Variants in NUMB observed in about 807,000 individuals in gnomAD.
NUMB encodes the protein NUMB endocytic adaptor protein.
Under a neutral mutation model 59.7 loss-of-function variants are expected in NUMB, and 29 were observed. The observed-to-expected ratio is 0.49, with a 90% CI of 0.36 to 0.66. The LOEUF (loss-of-function observed/expected upper bound fraction) is 0.66, where lower values mean the gene tolerates loss of function less well. NUMB is among the 30% of genes least tolerant of loss of function. The pLI, the probability that NUMB is intolerant of heterozygous loss-of-function variation, is 0.00. For missense variants in NUMB, 723 were observed against 822.0 expected (o/e 0.88, Z 1.47); for synonymous variants, 288 against 288.2 (o/e 1.00, Z 0.01).
At chr14:73,395,202 T>TACAC (rs142215964) in intron 2 of NUMB, among the ~76,000 whole-genome samples, 88 of 150,742 alleles carry the variant, frequency 5.8e-4, no homozygotes, top group Non-Finnish European at 1.2e-3. Context: ...ACATGATGTA[T>TACAC]ACACACACAC....
At chr14:73,398,702 C>T (rs887962412) in intron 2 of NUMB, among the ~76,000 whole-genome samples, 1 of 151,870 alleles carries the variant, frequency 6.6e-6, no homozygotes, top group African/African-American at 2.4e-5. Flanking sequence ...TCTTTATTCC[C>T]ATCAGATTGA....
At chr14:73,417,141 G>A (rs1162948113) in intron 1 of NUMB, among the ~76,000 whole-genome samples, 1 of 151,888 alleles carries the variant, frequency 6.6e-6, no homozygotes, top group African/African-American at 2.4e-5. Context: ...ATCCTGCTGA[G>A]AGCCACTTCC....
chr14:73,396,879 T>C (rs1896163206), intron 2 of NUMB, among the ~76,000 whole-genome samples: 1 of 152,090 alleles, frequency 6.6e-6, no homozygotes, highest in Non-Finnish European at 1.5e-5. Flanking sequence ...TCCCAGCATT[T>C]TGGGAGGCTG....
At chr14:73,456,981 C>T (rs1418725923) in intron 1 of NUMB, among the ~76,000 whole-genome samples, 2 of 152,004 alleles carry the variant, frequency 1.3e-5, no homozygotes, top group South Asian at 2.1e-4. Flanking sequence ...GTCTATTGAA[C>T]AATCCAGTAC....
chr14:73,345,327 C>G (rs938013675), intron 4 of NUMB, among the ~76,000 whole-genome samples: 1 of 152,086 alleles, frequency 6.6e-6, no homozygotes, highest in African/African-American at 2.4e-5. Flanking sequence ...TGGGGAACAA[C>G]AGACTCCGGA....
chr14:73,334,666 A>G (rs562698681), intron 4 of NUMB, among the ~76,000 whole-genome samples: 1 of 152,270 alleles, frequency 6.6e-6, no homozygotes, highest in Non-Finnish European at 1.5e-5. Context: ...GTATTAGCAT[A>G]GGCTGGGTGC....
At chr14:73,341,087 G>A (rs932911560) in intron 4 of NUMB, among the ~76,000 whole-genome samples, 13 of 152,292 alleles carry the variant, frequency 8.5e-5, no homozygotes, top group African/African-American at 2.6e-4. Context: ...GTGGAACTGT[G>A]AGTCAATTAA....
At chr14:73,448,364 T>A (rs187775493) in intron 1 of NUMB, among the ~76,000 whole-genome samples, 3 of 152,304 alleles carry the variant, frequency 2.0e-5, no homozygotes, top group Admixed American at 6.5e-5. Context: ...TTATTTTTTT[T>A]AATTTATAAT....
chr14:73,278,451 T>TG (rs1381095214), intron 12 of NUMB, among the ~76,000 whole-genome samples: 1 of 151,326 alleles, frequency 6.6e-6, no homozygotes, highest in Non-Finnish European at 1.5e-5. Context: ...ACCTGAGAGA[T>TG]GGAGGTTGCA....
chr14:73,331,970 T>C (rs907121778), intron 4 of NUMB, among the ~76,000 whole-genome samples: 2 of 152,224 alleles, frequency 1.3e-5, no homozygotes, highest in African/African-American at 4.8e-5. Context: ...TCCTAAGACC[T>C]ATTTTACATT....
rs148887198 is a variant in NUMB, at chr14:73,355,389, C to T, written c.126+237G>A. 3.9e-3 allele frequency among the ~76,000 whole-genome samples: 586 copies of T among 152,168 alleles called. 3 individuals carry two copies. The highest frequency in any genetic ancestry group is 0.013 in the African/African-American group (538 of 41,540). On this transcript the variant is annotated intron_variant, in intron 4 of 12. Coordinates refer to ENST00000555238, the MANE Select transcript of NUMB (RefSeq NM_001005743.2). ...CTTATCAGAATATTTGTACTGACTC[C>T]ACATTATATAGAGAAATTCATATTT...
At chr14:73,409,163 G>A (rs1055671878) in intron 2 of NUMB, 10 of 152,128 alleles carry the variant, frequency 6.6e-5, no homozygotes, top group Non-Finnish European at 1.2e-4. Context: ...ATATGATGTT[G>A]ATCCTTTCAA....
intron 4 of NUMB, among the ~76,000 whole-genome samples, chr14:73,345,708 G>A (rs1892882047): frequency 6.6e-6 from 1 of 151,984 alleles, no homozygotes. Context: ...AGGAGTTCGA[G>A]ACCAGCCTGG....
intron 9 of NUMB, chr14:73,285,259 A>G (rs908236504): frequency 1.3e-5 from 2 of 152,354 alleles, no homozygotes; most frequent in East Asian, 3.9e-4. Flanking sequence ...GTACCAGTTG[A>G]GTCCCATTCT....
intron 10 of NUMB, among the ~76,000 whole-genome samples, chr14:73,283,238 C>T (rs1031734280): frequency 2.6e-5 from 4 of 152,162 alleles, no homozygotes; most frequent in Non-Finnish European, 5.9e-5. Flanking sequence ...AATGAGGTAC[C>T]TCAGCTGAGA....
chr14:73,304,317 C>A (rs899761399), intron 6 of NUMB, among the ~76,000 whole-genome samples: 1 of 151,410 alleles, frequency 6.6e-6, no homozygotes, highest in African/African-American at 2.4e-5. Context: ...TTCTTTCTTT[C>A]TTTTTTCATT....
At chr14:73,424,353 T>C (rs181305676) in intron 1 of NUMB, among the ~76,000 whole-genome samples, 5 of 152,316 alleles carry the variant, frequency 3.3e-5, no homozygotes, top group African/African-American at 9.6e-5. Flanking sequence ...AATCCCATCA[T>C]TGATTCTGAC....
intron 6 of NUMB, among the ~76,000 whole-genome samples, chr14:73,315,378 C>CA (rs1389160635): frequency 6.6e-6 from 1 of 151,956 alleles, no homozygotes; most frequent in East Asian, 1.9e-4. Flanking sequence ...AGCACTTACT[C>CA]AAAACTAAAC....
At chr14:73,441,454 T>C (rs1270401993) in intron 1 of NUMB, among the ~76,000 whole-genome samples, 2 of 152,020 alleles carry the variant, frequency 1.3e-5, no homozygotes, top group Non-Finnish European at 2.9e-5. Flanking sequence ...GGAGAATAGC[T>C]TGAACCCAGG....
Sources: allele counts gnomAD v4.1 joint callset (sites outside exome capture counted in the v4.1 genomes callset), GRCh38; gene constraint gnomAD v4.1.1; transcripts MANE v1.5; gene names NCBI Gene and HGNC (gene_info 2026-07-23, HGNC 2026-07-21).